Variants in SLC66A2 observed in about 807,000 individuals in gnomAD.
The protein encoded by SLC66A2 is PQ loop repeat containing 1.
A neutral mutation model predicts 25.5 loss-of-function variants in SLC66A2; 23 were observed. The ratio of observed to expected loss-of-function variants is 0.90; its 90% CI spans 0.65 to 1.28. The LOEUF is 1.28. Among genes scored for constraint, SLC66A2 ranks in the 50% most tolerant of loss-of-function variants. SLC66A2 has a pLI of 0.00. For missense variants in SLC66A2, 396 were observed against 373.1 expected, an observed-to-expected ratio of 1.06 and a Z score of -0.51; for synonymous variants, 193 against 166.5, an observed-to-expected ratio of 1.16 and a Z score of -1.23.
At chr18:79,946,710 G>A (rs558905194) in intron 2 of SLC66A2, among the ~76,000 whole-genome samples, 5 of 152,344 alleles carry the variant, frequency 3.3e-5, no homozygotes, top group African/African-American at 1.2e-4. Flanking sequence ...GCTCACACCT[G>A]TAATCCCAGC....
chr18:79,904,615 G>A lies in SLC66A2; in HGVS notation c.609-432C>T, dbSNP rs1379514291. Among the ~76,000 whole-genome samples the A allele has an allele frequency of 6.6e-6, 1 of 152,148 alleles. No individual in the cohort carries two copies. The highest frequency in any genetic ancestry group is 1.5e-5 in the Non-Finnish European group (1 of 67,994). ...GGCAATTCTGGGAGGGGCCGGGCCT[G>A]GGAGGGTGCTGAGGACGCAGATCTG... is the stretch of plus-strand genomic sequence containing the variant. On this transcript the variant is annotated intron_variant, in intron 5 of 5. Coordinates refer to ENST00000397778, the MANE Select transcript of SLC66A2 (RefSeq NM_025078.5). The surrounding 1 kb of genome is among the most constrained non-coding windows in gnomAD (Gnocchi z 6.3).
intron 2 of SLC66A2, chr18:79,943,715 A>T: frequency 2.4e-6 from 1 of 419,038 alleles, no homozygotes; most frequent in Non-Finnish European, 4.3e-6. Flanking sequence ...CCAAACCTGC[A>T]GCAGGAAAGA....
At chr18:79,919,577 T>G (rs1353502041) in intron 4 of SLC66A2, among the ~76,000 whole-genome samples, 177 bp from the exon 5 acceptor site, 38 of 16,556 alleles carry the variant, frequency 2.3e-3, no homozygotes, top group African/African-American at 4.0e-3. Flanking sequence ...TCAAGGTCAG[T>G]GAGGAGAGAC....
At position 79,904,088 on chromosome 18, in the gene SLC66A2, A is replaced by G. The variant is rs1489334570; in HGVS notation, c.704T>C (p.Leu235Pro). 4.3e-6 allele frequency: 7 copies of G among 1,612,720 alleles called. No homozygotes were observed. Among genetic ancestry groups the G allele is most frequent in the Non-Finnish European group, 5.9e-6 (7 of 1,179,698 alleles). Residue 235 changes from leucine to proline, a missense_variant, in exon 6 of 6, where the codon CTG (leucine) becomes CCG (proline). Transcript: ENST00000397778. This position sits in a 1 kb window ranked among gnomAD's most constrained non-coding sequence, Gnocchi z 6.3. ...GAPLQFSVCG[L>P]LQVLVDLAIL... ...GGCCAGGTCCACCAGCACCTGCAGCAGGCCGCACACGGAGAACTGCAGAGG... is the reference window on the plus strand; with the variant it reads ...GGCCAGGTCCACCAGCACCTGCAGCGGGCCGCACACGGAGAACTGCAGAGG...
chr18:79,926,495 C>T (rs1375413218), intron 4 of SLC66A2, among the ~76,000 whole-genome samples: 3 of 152,016 alleles, frequency 2.0e-5, no homozygotes, highest in Non-Finnish European at 4.4e-5. Flanking sequence ...CCCCTGCAGG[C>T]ACCCTCGGGA....
intron 2 of SLC66A2, among the ~76,000 whole-genome samples, chr18:79,944,871 C>A: frequency 6.6e-6 from 1 of 151,248 alleles, no homozygotes; most frequent in East Asian, 1.9e-4. Context: ...CCCCGCAGCC[C>A]CCTCAGCAAC....
rs1423199691 is a variant in SLC66A2, at chr18:79,950,755, G to A, written c.172C>T (p.Leu58=). The change falls in exon 2 of 6, where the codon CTG becomes TTG. Residue 58 remains leucine, a synonymous_variant. Transcript: ENST00000397778. ...AGTATCCGCAAAATGTTGGCCACCA[G>A]CAGCACCAGGCACACGTAGGTGGAG... is the stretch of plus-strand genomic sequence containing the variant. ...GFSTYVCLVL[L]VANILRILFW... 6.2e-7 allele frequency: 1 copy of A among 1,613,272 alleles called. No homozygotes were observed. Among genetic ancestry groups the A allele is most frequent in the Admixed American group, 1.7e-5 (1 of 60,028 alleles).
chr18:79,942,041 G>C (rs1987718421), intron 3 of SLC66A2, among the ~76,000 whole-genome samples: 1 of 152,238 alleles, frequency 6.6e-6, no homozygotes, highest in Admixed American at 6.5e-5. Context: ...GAGGAGCTCA[G>C]GTCCAGAGAA....
In SLC66A2 at chr18:79,904,045, G is replaced by A. The variant is rs772106711; in HGVS notation, c.747C>T (p.Tyr249=). Residue 249 remains tyrosine (Y), a synonymous_variant, in exon 6 of 6, where the codon TAC becomes TAT. Coordinates refer to ENST00000397778, the MANE Select transcript of SLC66A2 (RefSeq NM_025078.5). The surrounding 1 kb of genome is among the most constrained non-coding windows in gnomAD (Gnocchi z 6.3). ...LVDLAILGQA[Y]AFARHPQKPA... is the part of the protein sequence containing the mutation. ...GCTTCTGGGGGTGGCGGGCGAAGGC[G>A]TAGGCCTGCCCCAGGATGGCCAGGT... is the stretch of plus-strand genomic sequence containing the variant. 1.5e-5 allele frequency: 24 copies of A among 1,609,658 alleles called. No individual in the cohort carries two copies. The highest frequency in any genetic ancestry group is 6.7e-5 in the Admixed American group (4 of 59,638).
chr18:79,939,623 G>GA (rs34853899), intron 3 of SLC66A2, among the ~76,000 whole-genome samples: 1 of 152,066 alleles, frequency 6.6e-6, no homozygotes, highest in Non-Finnish European at 1.5e-5. Flanking sequence ...ACAAGCGTAT[G>GA]AAAAAAAGCT....
chr18:79,924,873 A>G (rs1477974289), intron 4 of SLC66A2: 1 of 152,270 alleles, frequency 6.6e-6, no homozygotes, highest in Non-Finnish European at 1.5e-5. Flanking sequence ...GCCATCTACC[A>G]TTAGCTGTCA....
intron 5 of SLC66A2, chr18:79,915,485 GCA>G (rs1983872153): frequency 6.6e-6 from 1 of 152,352 alleles, no homozygotes; most frequent in Admixed American, 6.5e-5. Context: ...CAGCGGTCCC[GCA>G]CTTGAAGCTG....
intron 4 of SLC66A2, among the ~76,000 whole-genome samples, chr18:79,926,524 G>A (rs867352208): frequency 5.3e-5 from 8 of 152,224 alleles, no homozygotes; most frequent in African/African-American, 9.6e-5. Flanking sequence ...TCGCACACTC[G>A]ATGGGCGCTC....
At chr18:79,910,839 G>A (rs746675257) in intron 5 of SLC66A2, among the ~76,000 whole-genome samples, 29 of 152,332 alleles carry the variant, frequency 1.9e-4, no homozygotes, top group South Asian at 1.0e-3. Flanking sequence ...CTCACACAGC[G>A]GCCACACAAG....
At chr18:79,930,793 A>G (rs1986490531) in intron 4 of SLC66A2, among the ~76,000 whole-genome samples, 1 of 152,230 alleles carries the variant, frequency 6.6e-6, no homozygotes, top group Non-Finnish European at 1.5e-5. Flanking sequence ...GGTTAATATA[A>G]TAACTCCATA....
intron 5 of SLC66A2, among the ~76,000 whole-genome samples, chr18:79,913,745 G>A (rs1341049277): frequency 6.6e-6 from 1 of 152,162 alleles, no homozygotes; most frequent in Non-Finnish European, 1.5e-5. Flanking sequence ...AAACATCCTA[G>A]AGACCTTCGG....
Position 79,917,965 on chromosome 18 carries a change from A to G in SLC66A2, c.608+1219T>C, listed in dbSNP as rs112348833. ...ACCCCAGCCCACACCTACACTTCAC[A>G]TCTGTGCCTATGTCCCACACCCACA... On this transcript the variant is annotated intron_variant, in intron 5 of 5. Coordinates refer to ENST00000397778, the MANE Select transcript of SLC66A2 (RefSeq NM_025078.5). This position sits in a 1 kb window ranked among gnomAD's most constrained non-coding sequence, Gnocchi z 6.0. 2.6e-5 allele frequency among the ~76,000 whole-genome samples: 4 copies of G among 151,660 alleles called. No homozygotes were observed. Among genetic ancestry groups the G allele is most frequent in the African/African-American group, 9.7e-5 (4 of 41,278 alleles).
chr18:79,936,962 G>T (rs919716462), intron 3 of SLC66A2, among the ~76,000 whole-genome samples: 1 of 152,208 alleles, frequency 6.6e-6, no homozygotes, highest in Non-Finnish European at 1.5e-5. Context: ...GCATGAGGAT[G>T]CCACATTCCA....
intron 5 of SLC66A2, among the ~76,000 whole-genome samples, chr18:79,914,845 C>G (rs555197654): frequency 6.6e-6 from 1 of 152,224 alleles, no homozygotes; most frequent in African/African-American, 2.4e-5. Context: ...GCCCCCAGGT[C>G]GCCGGCCCTA....
Sources: gnomAD v4.1 joint callset for allele counts (sites outside exome capture counted in the v4.1 genomes callset) on GRCh38, gnomAD v4.1.1 for gene constraint, Gnocchi (gnomAD v3.1) non-coding constraint, MANE v1.5 for transcripts, NCBI Gene and HGNC (gene_info 2026-07-23, HGNC 2026-07-21) for gene names.